Variants in CHODL observed in about 807,000 individuals in gnomAD.
CHODL encodes chondrolectin, also known as transmembrane protein MT75.
In CHODL, 29 loss-of-function variants were observed where a neutral mutation model predicts 34.5. That is an observed-to-expected ratio of 0.84 (90% CI 0.63 to 1.15). The LOEUF is 1.15. Ranked by LOEUF, CHODL falls within the 50% of genes most tolerant of loss-of-function variation. The pLI is 0.00. For synonymous variants in CHODL, 125 were observed against 116.1 expected (o/e 1.08, Z -0.49); for missense variants, 332 against 332.5 (o/e 1.00, Z 0.01).
At chr21:17,918,571 T>C (rs1441952432) in intron 1 of CHODL, among the ~76,000 whole-genome samples, 1 of 152,142 alleles carries the variant, frequency 6.6e-6, no homozygotes, top group Non-Finnish European at 1.5e-5. Context: ...TCCCCCCGGG[T>C]TCCTCCTAGG....
chr21:18,037,240 T>C (rs1426987457), intron 2 of CHODL, among the ~76,000 whole-genome samples: 1 of 151,918 alleles, frequency 6.6e-6, no homozygotes, highest in African/African-American at 2.4e-5. Flanking sequence ...GAGATTTAAT[T>C]GGCATCCAAG....
At chr21:18,231,847 G>A (rs1004913373) in intron 2 of CHODL, among the ~76,000 whole-genome samples, 1 of 151,894 alleles carries the variant, frequency 6.6e-6, no homozygotes, top group African/African-American at 2.4e-5. Flanking sequence ...CCACGGCACA[G>A]TAATGGGGAT....
chr21:18,252,761 C>G (rs1377762983), intron 1 of CHODL, among the ~76,000 whole-genome samples: 1 of 152,094 alleles, frequency 6.6e-6, no homozygotes, highest in Non-Finnish European at 1.5e-5. Context: ...TCTGTAGACA[C>G]AGCTGATGAT....
chr21:18,248,724 A>G (rs1169704324), intron 1 of CHODL, among the ~76,000 whole-genome samples: 2 of 121,004 alleles, frequency 1.7e-5, no homozygotes, highest in Non-Finnish European at 3.2e-5. Flanking sequence ...ATACATATAT[A>G]TGTATATAAT....
intron 2 of CHODL, among the ~76,000 whole-genome samples, chr21:18,140,601 A>G (rs1299377876): frequency 1.3e-5 from 2 of 152,178 alleles, no homozygotes; most frequent in African/African-American, 4.8e-5. Flanking sequence ...CCAGAATCTG[A>G]AAAGTCCCAG....
chr21:18,114,984 C>T (rs1343851368), intron 2 of CHODL: 7 of 152,244 alleles, frequency 4.6e-5, no homozygotes, highest in African/African-American at 1.4e-4. Flanking sequence ...AGACTTAACC[C>T]AGCCTAAACT....
chr21:18,188,418 A>G (rs1029397820), intron 2 of CHODL, among the ~76,000 whole-genome samples: 1 of 152,244 alleles, frequency 6.6e-6, no homozygotes, highest in African/African-American at 2.4e-5. Context: ...AAAATAAAAC[A>G]TTTAATTTCC....
intron 2 of CHODL, among the ~76,000 whole-genome samples, chr21:18,110,517 GAGA>G (rs2045394681): frequency 1.3e-5 from 2 of 152,198 alleles, no homozygotes; most frequent in South Asian, 4.1e-4. Flanking sequence ...CATTTGGAGA[GAGA>G]AGAACCCAGC....
At chr21:17,969,822 T>C (rs904997056) in intron 1 of CHODL, among the ~76,000 whole-genome samples, 5 of 152,216 alleles carry the variant, frequency 3.3e-5, no homozygotes, top group African/African-American at 1.2e-4. Context: ...TATATGACTT[T>C]AAGGCTTCTT....
At position 18,109,353 on chromosome 21, in the gene CHODL, G is replaced by C. The variant is rs149935313; in HGVS notation, c.-45+81382G>C. 3.0e-4 allele frequency among the ~76,000 whole-genome samples: 45 copies of C among 152,058 alleles called. 1 individual carries two copies. The East Asian group carries it at 8.2e-3, about 28-fold the overall frequency. ...GAATGAGAATATATGATGTAGGTTT[G>C]GACTATGGGATCTAATCACCATGGG... On this transcript the variant is annotated intron_variant, in intron 2 of 6. Coordinates refer to the CHODL transcript ENST00000400127.
chr21:18,006,091 C>T (rs149022477), intron 1 of CHODL, among the ~76,000 whole-genome samples: 6 of 152,238 alleles, frequency 3.9e-5, no homozygotes, highest in Admixed American at 2.0e-4. Context: ...CTCTGCCTGC[C>T]GCCATCCACG....
At chr21:18,150,066 C>T (rs571117777) in intron 2 of CHODL, among the ~76,000 whole-genome samples, 1 of 152,150 alleles carries the variant, frequency 6.6e-6, no homozygotes, top group African/African-American at 2.4e-5. Flanking sequence ...TGGTTTGGTC[C>T]AGAAAGGTGG....
intron 1 of CHODL, among the ~76,000 whole-genome samples, chr21:17,945,541 G>T (rs2063400276): frequency 1.3e-5 from 2 of 152,080 alleles, no homozygotes; most frequent in African/African-American, 4.8e-5. Context: ...ATAGAACATT[G>T]AAATTTTTCA....
At chr21:18,222,157 G>A (rs2073890575) in intron 2 of CHODL, among the ~76,000 whole-genome samples, 1 of 152,162 alleles carries the variant, frequency 6.6e-6, no homozygotes, top group African/African-American at 2.4e-5. Flanking sequence ...GTGGCTTTCA[G>A]GCTTTGAGGA....
chr21:17,920,590 A>T (rs1026206351), intron 1 of CHODL, among the ~76,000 whole-genome samples: 6 of 152,252 alleles, frequency 3.9e-5, no homozygotes, highest in Non-Finnish European at 7.3e-5. Context: ...GAACAACCAT[A>T]TCATATACTA....
At chr21:18,246,297 C>G (rs1282633561) in intron 1 of CHODL, among the ~76,000 whole-genome samples, 2 of 152,034 alleles carry the variant, frequency 1.3e-5, no homozygotes, top group African/African-American at 4.8e-5. Flanking sequence ...TTTTTTAAAA[C>G]ATAAAAAGCA....
At chr21:17,939,454 C>A in intron 1 of CHODL, among the ~76,000 whole-genome samples, 1 of 152,170 alleles carries the variant, frequency 6.6e-6, no homozygotes, top group African/African-American at 2.4e-5. Context: ...ATGTACACAA[C>A]ACATTTTCTT....
chr21:18,061,963 C>T (rs187201396), intron 2 of CHODL, among the ~76,000 whole-genome samples: 5 of 152,192 alleles, frequency 3.3e-5, no homozygotes, highest in East Asian at 3.9e-4. Context: ...ATAGACTCAT[C>T]GGATAAGATG....
intron 2 of CHODL, among the ~76,000 whole-genome samples, chr21:18,237,613 G>C (rs1194090143): frequency 6.6e-6 from 1 of 152,100 alleles, no homozygotes; most frequent in African/African-American, 2.4e-5. Flanking sequence ...TCCGACCCTT[G>C]TCACTCTAGA....
Sources: allele counts gnomAD v4.1 joint callset (sites outside exome capture counted in the v4.1 genomes callset), GRCh38; gene constraint gnomAD v4.1.1; transcripts MANE v1.5; gene names NCBI Gene and HGNC (gene_info 2026-07-23, HGNC 2026-07-21).